CCDC170: variants seen among roughly 807,000 people sequenced by gnomAD.
The protein encoded by CCDC170 is coiled-coil domain containing 170.
A neutral mutation model predicts 72.6 loss-of-function variants in CCDC170; 69 were observed. The observed-to-expected ratio is 0.95, with a 90% CI of 0.78 to 1.16. The LOEUF is 1.16. CCDC170 is among the 50% of genes most tolerant of loss of function. The pLI is 0.00. For missense variants in CCDC170, 852 were observed against 832.5 expected (o/e 1.02, Z -0.29); for synonymous variants, 300 against 303.9 (o/e 0.99, Z 0.13).
intron 1 of CCDC170, 98 bp downstream of exon 1, chr6:151,494,283 GA>G (rs1781877823): frequency 1.6e-6 from 2 of 1,259,126 alleles, no homozygotes. Context: ...TTTCCTCCCG[GA>G]GGCGTGGGCA....
chr6:151,494,817 A>G (rs770794693), intron 1 of CCDC170, among the ~76,000 whole-genome samples: 1 of 152,176 alleles, frequency 6.6e-6, no homozygotes, highest in Non-Finnish European at 1.5e-5. Flanking sequence ...ACGGGCGCGC[A>G]CACACACGAA....
At chr6:151,597,912 G>T (rs1776649042) in intron 9 of CCDC170, among the ~76,000 whole-genome samples, 1 of 152,236 alleles carries the variant, frequency 6.6e-6, no homozygotes, top group Non-Finnish European at 1.5e-5. Flanking sequence ...AAACAGACAA[G>T]CAGGGAAAAA....
At chr6:151,554,079 A>G (rs1782932665) in intron 5 of CCDC170, among the ~76,000 whole-genome samples, 1 of 152,198 alleles carries the variant, frequency 6.6e-6, no homozygotes, top group Non-Finnish European at 1.5e-5. Context: ...TGTCATATAT[A>G]TGATAAATAT....
At chr6:151,557,230 A>G (rs1019782399) in intron 5 of CCDC170, among the ~76,000 whole-genome samples, 3 of 152,000 alleles carry the variant, frequency 2.0e-5, no homozygotes, top group Admixed American at 6.6e-5. Flanking sequence ...AACACGGTGG[A>G]ACCCCGTCTC....
At chr6:151,525,479 CT>C (rs2115036794) in intron 1 of CCDC170, among the ~76,000 whole-genome samples, 1 of 152,312 alleles carries the variant, frequency 6.6e-6, no homozygotes, top group East Asian at 1.9e-4. Context: ...ACAATACACC[CT>C]CCCCACCCTT....
intron 7 of CCDC170, 43 bp downstream of exon 7, chr6:151,586,132 T>C (rs1776448523): frequency 2.5e-6 from 4 of 1,579,142 alleles, no homozygotes; most frequent in African/African-American, 1.4e-5. Flanking sequence ...GCATCTGTTG[T>C]AGTATAAAAT....
intron 5 of CCDC170, among the ~76,000 whole-genome samples, chr6:151,563,073 C>T (rs565829800): frequency 9.5e-4 from 144 of 152,302 alleles, no homozygotes; most frequent in Non-Finnish European, 1.5e-3. Context: ...TCTCTTCCCC[C>T]AGACCAGAGC....
intron 5 of CCDC170, among the ~76,000 whole-genome samples, chr6:151,566,769 T>C (rs1047664790): frequency 5.3e-5 from 8 of 152,298 alleles, no homozygotes; most frequent in Admixed American, 2.0e-4. Flanking sequence ...TGACTAAAAT[T>C]CCCTGTATTT....
In CCDC170 at chr6:151,596,544, C is replaced by A. The variant is rs769421068; in HGVS notation, c.1677C>A (p.Leu559=). 11 of 1,614,058 alleles carry A rather than the reference C, an allele frequency of 6.8e-6. No homozygotes were observed. ...CGTGTCGAGACTTGCACACCGAGCT[C>A]AAAGCCAAACTGGCCGACACCAATG... is the stretch of plus-strand genomic sequence containing the variant. ...LNTCRDLHTE[L]KAKLADTNEL... is the part of the protein sequence containing the mutation. The change falls in exon 9 of 11, where the codon CTC becomes CTA. Residue 559 remains leucine (L), a synonymous_variant. Coordinates refer to ENST00000239374, the MANE Select transcript of CCDC170 (RefSeq NM_025059.4).
At chr6:151,600,173 T>C (rs1776683075) in intron 9 of CCDC170, among the ~76,000 whole-genome samples, 1 of 152,248 alleles carries the variant, frequency 6.6e-6, no homozygotes, top group Admixed American at 6.5e-5. Flanking sequence ...GTTTTGTATT[T>C]GATACAAATC....
At chr6:151,584,886 A>G (rs1469330177) in intron 6 of CCDC170, among the ~76,000 whole-genome samples, 4 of 152,232 alleles carry the variant, frequency 2.6e-5, no homozygotes, top group African/African-American at 9.6e-5. Context: ...AAATTTAGAC[A>G]GTAAAAATCT....
chr6:151,526,414 G>A (rs546723556), intron 1 of CCDC170, among the ~76,000 whole-genome samples: 1 of 151,454 alleles, frequency 6.6e-6, no homozygotes, highest in African/African-American at 2.4e-5. Context: ...TAGAGATGGG[G>A]TTTCACCATG....
intron 5 of CCDC170, among the ~76,000 whole-genome samples, chr6:151,555,892 T>C (rs971552747): frequency 1.6e-4 from 25 of 152,208 alleles, no homozygotes; most frequent in Admixed American, 9.2e-4. Context: ...GGAGTTCTAG[T>C]CTGTGGGTGA....
Position 151,573,178 on chromosome 6 carries a change from T to G in CCDC170, c.779T>G (p.Leu260Arg). 1 of 1,610,064 alleles carries G rather than the reference T, an allele frequency of 6.2e-7. No homozygotes were observed. The highest frequency in any genetic ancestry group is 8.5e-7 in the Non-Finnish European group (1 of 1,178,234). ...CACTTTCTGTAATCATTTTAGGACC[T>G]GCTCAGTGCTGTAGAAGCAAAAGAA... ...TEEKEKLNQDLLSAVEAKEAL... is the reference protein window; with the variant it reads ...TEEKEKLNQDRLSAVEAKEAL... Residue 260 changes from leucine (L) to arginine (R), a missense_variant, in exon 6 of 11, where the codon CTG (leucine) becomes CGG (arginine). Leu to Arg is a moderately radical substitution (Grantham distance 102). Transcript: ENST00000239374.
At chr6:151,562,305 T>G (rs1316140191) in intron 5 of CCDC170, among the ~76,000 whole-genome samples, 1 of 152,234 alleles carries the variant, frequency 6.6e-6, no homozygotes, top group Non-Finnish European at 1.5e-5. Context: ...TTTGTACTGC[T>G]GGAGTTCTTG....
chr6:151,568,432 G>A (rs1776170258), intron 5 of CCDC170, among the ~76,000 whole-genome samples: 1 of 152,146 alleles, frequency 6.6e-6, no homozygotes, highest in African/African-American at 2.4e-5. Context: ...TGGGAAGGGG[G>A]GAATGGGTGT....
chr6:151,588,151 T>C (rs1289471975), intron 7 of CCDC170, among the ~76,000 whole-genome samples: 2 of 152,094 alleles, frequency 1.3e-5, no homozygotes, highest in Non-Finnish European at 2.9e-5. Flanking sequence ...CAGAGAAGGT[T>C]TTTGAGTAAA....
chr6:151,533,806 TG>T (rs1330518113), intron 1 of CCDC170, among the ~76,000 whole-genome samples: 4 of 152,178 alleles, frequency 2.6e-5, no homozygotes, highest in African/African-American at 9.7e-5. Flanking sequence ...ATTCTAAGTG[TG>T]GTTGTTTGAT....
At chr6:151,548,198 C>A in intron 4 of CCDC170, 106 bp from the exon 5 acceptor site, 1 of 970,114 alleles carries the variant, frequency 1.0e-6, no homozygotes, top group Non-Finnish European at 1.4e-6. Context: ...AGGGATAGTG[C>A]TCTTACATTT....
Sources: allele counts gnomAD v4.1 joint callset (sites outside exome capture counted in the v4.1 genomes callset), GRCh38; gene constraint gnomAD v4.1.1; transcripts MANE v1.5; gene names NCBI Gene and HGNC (gene_info 2026-07-23, HGNC 2026-07-21).